The following LIPF variants were observed in gnomAD, a reference collection of about 807,000 sequenced individuals.
LIPF encodes the protein gastric triacylglycerol lipase.
In LIPF, 25 loss-of-function variants were observed where a neutral mutation model predicts 38.0. The ratio of observed to expected loss-of-function variants is 0.66; its 90% CI spans 0.48 to 0.92. The LOEUF (loss-of-function observed/expected upper bound fraction) is 0.92. Ranked by LOEUF, LIPF falls within the 40% of genes least tolerant of loss-of-function variation. The probability of loss-of-function intolerance (pLI) is 0.00; values close to 1 mark genes in which losing one functional copy is unlikely to be tolerated. For synonymous variants in LIPF, 161 were observed against 156.2 expected, an observed-to-expected ratio of 1.03 and a Z score of -0.23; for missense variants, 410 against 469.9, an observed-to-expected ratio of 0.87 and a Z score of 1.18.
intron 3 of LIPF, 147 bp from the exon 4 acceptor site, chr10:88,668,411 C>T (rs1841545760): frequency 2.8e-6 from 2 of 715,728 alleles, no homozygotes; most frequent in Non-Finnish European, 4.5e-6. Flanking sequence ...GAAATCATCA[C>T]CACAATTACG....
At chr10:88,676,739 G>C (rs1000974982) in intron 9 of LIPF, among the ~76,000 whole-genome samples, 3 of 152,182 alleles carry the variant, frequency 2.0e-5, no homozygotes, top group African/African-American at 7.2e-5. Context: ...TGCCGTGCTT[G>C]CAGGTCAAGG....
Position 88,676,204 on chromosome 10 carries a change from G to A in LIPF, c.889-5G>A. On this transcript the variant is annotated splice_region_variant and splice_polypyrimidine_tract_variant and intron_variant, in intron 8 of 9. Coordinates refer to ENST00000238983, the MANE Select transcript of LIPF (RefSeq NM_004190.4). ...ATTTGTTTGCTTTTAATTTCTCTATGTTAGGCTGTTAAGTCTGGGAAATTC... is the reference window on the plus strand; with the variant it reads ...ATTTGTTTGCTTTTAATTTCTCTATATTAGGCTGTTAAGTCTGGGAAATTC... 6.3e-7 allele frequency: 1 copy of A among 1,576,484 alleles called. No homozygotes were observed. The highest frequency in any genetic ancestry group is 8.7e-7 in the Non-Finnish European group (1 of 1,149,768).
intron 7 of LIPF, 77 bp downstream of exon 7, chr10:88,673,811 T>C: frequency 8.3e-7 from 1 of 1,211,532 alleles, no homozygotes; most frequent in Non-Finnish European, 1.2e-6. Flanking sequence ...GAAGTGGTAC[T>C]TTATGAGAAC....
intron 7 of LIPF, 57 bp downstream of exon 7, chr10:88,673,791 T>C: frequency 1.4e-6 from 2 of 1,443,800 alleles, no homozygotes; most frequent in Admixed American, 3.5e-5. Context: ...ACTTGTTTCA[T>C]TGCCACTTAG....
rs60719768 is a variant in LIPF at position 88,672,670 on chromosome 10, A to ACTCTCT, written c.669+722_669+727dup. Among the ~76,000 whole-genome samples the ACTCTCT allele has an allele frequency of 7.9e-4, 87 of 110,526 alleles. 1 individual carries two copies. Among genetic ancestry groups the ACTCTCT allele is most frequent in the African/African-American group, 1.7e-3 (49 of 29,406 alleles). The allele number at this position is 110,526 out of a possible 152,430, so 72.5% of individuals were successfully genotyped here. On this transcript the variant is annotated intron_variant, in intron 6 of 9. Coordinates refer to ENST00000238983, the MANE Select transcript of LIPF (RefSeq NM_004190.4). ...CACACACACACACACACACACACAC[A>ACTCTCT]CTCTCTCTCTCTCTCTCTCTCTTTC...
In LIPF at chr10:88,667,220, G is replaced by T. The variant is rs947147426; in HGVS notation, c.-11-67G>T. ...TCTACTTAGCACAAAGGTAAAATTG[G>T]CATAAAATATAAGCATTATGAAAGT... On this transcript the variant is annotated intron_variant, in intron 1 of 9. Coordinates refer to ENST00000238983, the MANE Select transcript of LIPF (RefSeq NM_004190.4). 4.7e-6 allele frequency: 4 copies of T among 851,836 alleles called. No individual in the cohort carries two copies. In the African/African-American group the frequency reaches 6.8e-5, roughly 14 times the overall value. 52.8% of individuals were successfully genotyped at this position (851,836 alleles called of 1,614,324 possible).
chr10:88,665,245 T>C (rs1841493383), intron 1 of LIPF, among the ~76,000 whole-genome samples: 1 of 152,212 alleles, frequency 6.6e-6, no homozygotes, highest in African/African-American at 2.4e-5. Context: ...AATGAGATAA[T>C]AGTCATAATA....
rs755815019 is a variant in LIPF, at chr10:88,667,418, G to GA, written c.105+21dup. On this transcript the variant is annotated intron_variant, in intron 2 of 9. Coordinates refer to ENST00000238983, the MANE Select transcript of LIPF (RefSeq NM_004190.4). ...TATGAACATTGTAAGTTACTCTGGGGAAAAACTCTATAAAACTAAAAGATG... is the reference window on the plus strand; with the variant it reads ...TATGAACATTGTAAGTTACTCTGGGGAAAAAACTCTATAAAACTAAAAGATG... The GA allele has an allele frequency of 7.0e-7, 1 of 1,438,394 alleles. No individual in the cohort carries two copies. Among genetic ancestry groups the GA allele is most frequent in the Non-Finnish European group, 9.7e-7 (1 of 1,028,134 alleles). 89.1% of individuals were successfully genotyped at this position (1,438,394 alleles called of 1,614,324 possible).
At position 88,665,737 on chromosome 10, in the gene LIPF, A is replaced by ATTTTTTTT. The variant is rs68081693; in HGVS notation, c.-12+1263_-12+1270dup. Among the ~76,000 whole-genome samples, 195 of 100,232 alleles carry ATTTTTTTT rather than the reference A, an allele frequency of 1.9e-3. 3 individuals are homozygous for ATTTTTTTT. The highest frequency in any genetic ancestry group is 6.5e-3 in the African/African-American group (175 of 27,122). 65.8% of individuals were successfully genotyped at this position (100,232 alleles called of 152,430 possible). ...AAAAACAAGGCTTAGTTAAAAACTG[A>ATTTTTTTT]TTTTTTTTTTTTTTTTTTTTTTTTG... On this transcript the variant is annotated intron_variant, in intron 1 of 9. Transcript: ENST00000238983.
At chr10:88,676,337 A>T in intron 9 of LIPF, 57 bp downstream of exon 9, 4 of 1,045,260 alleles carry the variant, frequency 3.8e-6, no homozygotes, top group Non-Finnish European at 5.8e-6. Context: ...TAACTATTTA[A>T]ATGTTAAAGA....
At chr10:88,668,359 G>A (rs1312950803) in intron 3 of LIPF, among the ~76,000 whole-genome samples, 199 bp from the exon 4 acceptor site, 1 of 152,110 alleles carries the variant, frequency 6.6e-6, no homozygotes, top group Non-Finnish European at 1.5e-5. Context: ...TTTAAGGTGT[G>A]CAGTTTCATA....
chr10:88,667,718 C>T lies in LIPF; in HGVS notation c.223+32C>T, dbSNP rs141150609. ...ATAAGCTTCTTTTCTTCCTTCCTTT[C>T]TCTCTTTTTTCCTTTCCTTCTTTCT... On this transcript the variant is annotated intron_variant, in intron 3 of 9. Coordinates refer to ENST00000238983, the MANE Select transcript of LIPF (RefSeq NM_004190.4). 2.7e-3 allele frequency: 2,505 copies of T among 917,256 alleles called. 7 individuals are homozygous for T. The highest frequency in any genetic ancestry group is 3.9e-3 in the Non-Finnish European group (2,243 of 576,494). 56.8% of individuals were successfully genotyped at this position (917,256 alleles called of 1,614,324 possible). A position where few individuals can be genotyped will look rare whatever the true frequency, so the allele number is the denominator to read the frequency against.
chr10:88,665,753 T>A (rs1051609571), intron 1 of LIPF, among the ~76,000 whole-genome samples: 78 of 147,482 alleles, frequency 5.3e-4, no homozygotes, highest in African/African-American at 1.9e-3. Context: ...TTTTTTTTTT[T>A]TTTTTTTTGA....
chr10:88,674,615 C>A (rs1234613722), intron 7 of LIPF, among the ~76,000 whole-genome samples: 1 of 152,192 alleles, frequency 6.6e-6, no homozygotes, highest in South Asian at 2.1e-4. Flanking sequence ...CTGACTTAAA[C>A]GTCTCTGTCT....
chr10:88,673,708 G>A lies in LIPF; in HGVS notation c.790G>A (p.Gly264Arg). Residue 264 changes from glycine to arginine, a missense_variant, in exon 7 of 10, where the codon GGA (glycine) becomes AGA (arginine). Coordinates refer to ENST00000238983, the MANE Select transcript of LIPF (RefSeq NM_004190.4). ...LCSNALFIICGFDSKNFNTSR... is the reference protein window; with the variant it reads ...LCSNALFIICRFDSKNFNTSR... The stretch of plus-strand genomic sequence containing the variant: ...CAGCAATGCCTTATTTATAATTTGT[G>A]GATTTGACAGTAAGAACTTTAACAC... 1 of 1,612,740 alleles carries A rather than the reference G, an allele frequency of 6.2e-7. No homozygotes were observed. The highest frequency in any genetic ancestry group is 8.5e-7 in the Non-Finnish European group (1 of 1,179,258).
intron 5 of LIPF, among the ~76,000 whole-genome samples, chr10:88,670,462 TCACAGAAATTGTAGATTGGTAACACAAGC>T (rs1841577960): frequency 6.6e-6 from 1 of 152,202 alleles, no homozygotes; most frequent in Non-Finnish European, 1.5e-5. Flanking sequence ...CCAGAGGGGT[TCACAGAAATTGTAGATTGGTAACACAAGC>T]ACTCTTTGGG....
chr10:88,672,354 A>C (rs1348487372), intron 6 of LIPF, among the ~76,000 whole-genome samples: 1 of 152,186 alleles, frequency 6.6e-6, no homozygotes, highest in Non-Finnish European at 1.5e-5. Flanking sequence ...AGAGACTGGA[A>C]AGAGGAGGGA....
intron 7 of LIPF, among the ~76,000 whole-genome samples, chr10:88,674,401 C>T (rs1359674285): frequency 6.6e-6 from 1 of 152,048 alleles, no homozygotes; most frequent in Non-Finnish European, 1.5e-5. Context: ...ATTTCCTGAC[C>T]TCATGATCCA....
chr10:88,671,553 A>G (rs1841596762), intron 5 of LIPF, among the ~76,000 whole-genome samples: 2 of 152,162 alleles, frequency 1.3e-5, no homozygotes, highest in Non-Finnish European at 2.9e-5. Flanking sequence ...TTGTAACCAT[A>G]TGAGTATCCT....
Sources: allele counts gnomAD v4.1 joint callset (sites outside exome capture counted in the v4.1 genomes callset), GRCh38; gene constraint gnomAD v4.1.1; transcripts MANE v1.5; gene names NCBI Gene and HGNC (gene_info 2026-07-23, HGNC 2026-07-21).